The following DMPK variants were observed in gnomAD, a reference collection of about 807,000 sequenced individuals.
DMPK encodes myotonin-protein kinase.
A neutral mutation model predicts 70.3 loss-of-function variants in DMPK; 32 were observed. The ratio of observed to expected loss-of-function variants is 0.46; its 90% CI spans 0.34 to 0.61. DMPK has a LOEUF of 0.61. Among genes scored for constraint, DMPK ranks in the 20% least tolerant of loss-of-function variants. The pLI, the probability that DMPK is intolerant of heterozygous loss-of-function variation, is 0.01. For synonymous variants in DMPK, 469 were observed against 390.9 expected, an observed-to-expected ratio of 1.20 and a Z score of -2.36; for missense variants, 899 against 886.0, an observed-to-expected ratio of 1.01 and a Z score of -0.19.
chr19:45,771,529 T>C (rs1478433304), intron 12 of DMPK, 39 bp downstream of exon 12: 1 of 1,613,194 alleles, frequency 6.2e-7, no homozygotes, highest in Admixed American at 1.7e-5. Context: ...GCCCACCTCC[T>C]CCCGGTCCTC....
At chr19:45,770,925 AGCGCGGGGCG>A in intron 14 of DMPK, 36 bp downstream of exon 14, 1 of 1,337,038 alleles carries the variant, frequency 7.5e-7, no homozygotes, top group South Asian at 1.6e-5. Context: ...GGGCGGGTGG[AGCGCGGGGCG>A]CGACGGCGGA....
chr19:45,771,197 G>T, intron 13 of DMPK, 137 bp from the exon 14 acceptor site: 1 of 1,217,988 alleles, frequency 8.2e-7, no homozygotes, highest in Non-Finnish European at 1.1e-6. Context: ...GGCCTGAACG[G>T]AGGGAGATCT....
intron 13 of DMPK, 53 bp from the exon 14 acceptor site, chr19:45,771,113 G>T: frequency 7.1e-7 from 1 of 1,407,720 alleles, no homozygotes; most frequent in South Asian, 1.3e-5. Context: ...AGCCCTCAGC[G>T]GTGGGGCGAG....
rs1568582006 is a variant in DMPK at position 45,777,790 on chromosome 19, GC to G, written c.758del (p.Gly253AlafsTer126). On this transcript the variant is annotated frameshift_variant, in exon 7 of 15. Transcript: ENST00000291270. LOFTEE classifies it high-confidence loss of function. The surrounding 1 kb of genome is among the most constrained non-coding windows in gnomAD (Gnocchi z 6.7). Reference protein sequence around the residue: ...LQAVGGGPGTGSYGPECDWWA... With the variant: ...LQAVGGGPGTXSYGPECDWWA... Reference sequence around the variant, plus strand: ...ACCAGTCACACTCGGGCCCGTAGCTGCCTGTCCCAGGCCCACCGCCCACAGC... The same window carrying G: ...ACCAGTCACACTCGGGCCCGTAGCTGCTGTCCCAGGCCCACCGCCCACAGC... 1 of 1,612,822 alleles carries G rather than the reference GC, an allele frequency of 6.2e-7. No individual in the cohort carries two copies. Among genetic ancestry groups the G allele is most frequent in the East Asian group, 2.2e-5 (1 of 44,894 alleles).
In DMPK at chr19:45,770,246, GCAGCAGCAGCAGCAGCAGCAT is replaced by G; in HGVS notation, c.*221_*241del. The G allele has an allele frequency of 3.0e-6, 1 of 331,466 alleles. No individual in the cohort carries two copies. Among genetic ancestry groups the G allele is most frequent in the Non-Finnish European group, 4.4e-6 (1 of 229,294 alleles). 20.5% of individuals were successfully genotyped at this position (331,466 alleles called of 1,614,324 possible). The stretch of plus-strand genomic sequence containing the variant: ...AGCAGCAGCAGCAGCAGCAGCAGCA[GCAGCAGCAGCAGCAGCAGCAT>G]TCCCGGCTACAAGGACCCTTCGAGC... On this transcript the variant is annotated 3_prime_UTR_variant, in exon 15 of 15. Transcript: ENST00000291270.
intron 1 of DMPK, 39 bp from the exon 2 acceptor site, chr19:45,779,908 G>T: frequency 6.2e-7 from 1 of 1,613,826 alleles, no homozygotes; most frequent in South Asian, 1.1e-5. Context: ...AGGGTCACCA[G>T]AAAGGGCACT....
chr19:45,780,928 GCGC>G (rs1970079787), intron 1 of DMPK, among the ~76,000 whole-genome samples: 1 of 152,062 alleles, frequency 6.6e-6, no homozygotes, highest in African/African-American at 2.4e-5. Flanking sequence ...CCTCCCGGGA[GCGC>G]CAGACCCCTA....
At position 45,777,956 on chromosome 19, in the gene DMPK, A is replaced by G. The variant is rs1969874593; in HGVS notation, c.676-83T>C. ...GGGCCCTCCTTCCAACCACTCCCCA[A>G]ATGCTTAGCCCCTCCCTCTGCCTGG... is the stretch of plus-strand genomic sequence containing the variant. On this transcript the variant is annotated intron_variant, in intron 6 of 14. Transcript: ENST00000291270. This position sits in a 1 kb window ranked among gnomAD's most constrained non-coding sequence, Gnocchi z 6.7. 3 of 1,379,198 alleles carry G rather than the reference A, an allele frequency of 2.2e-6. No individual in the cohort carries two copies. The highest frequency in any genetic ancestry group is 1.9e-5 in the Admixed American group (1 of 52,500). The allele number at this position is 1,379,198 out of a possible 1,614,324, so 85.4% of individuals were successfully genotyped here.
rs1304862852 is a variant in DMPK, at chr19:45,779,959, T to C, written c.161-90A>G. The C allele has an allele frequency of 1.7e-5, 27 of 1,593,620 alleles. No homozygotes were observed. Among genetic ancestry groups the C allele is most frequent in the African/African-American group, 2.7e-5 (2 of 74,354 alleles). On this transcript the variant is annotated intron_variant, in intron 1 of 14. Coordinates refer to ENST00000291270, the MANE Select transcript of DMPK (RefSeq NM_004409.5). ...AGCCCCACCCTCTGTCTGTCTCCCCTTCTCTCTGCCTCTCAGCTTCACCCT... is the reference window on the plus strand; with the variant it reads ...AGCCCCACCCTCTGTCTGTCTCCCCCTCTCTCTGCCTCTCAGCTTCACCCT...
In DMPK at chr19:45,770,602, G is replaced by C; in HGVS notation, c.1776C>G (p.Leu592=). 6.4e-7 allele frequency: 1 copy of C among 1,553,080 alleles called. No homozygotes were observed. Among genetic ancestry groups the C allele is most frequent in the Non-Finnish European group, 8.7e-7 (1 of 1,148,394 alleles). ...RPGLSEALSL[L]LFAVVLSRAA... ...CACGAGACAGAACAACGGCGAACAG[G>C]AGCAGGGAAAGCGCCTCCGATAGGC... Residue 592 remains leucine (L), a synonymous_variant, in exon 15 of 15, where the codon CTC becomes CTG. Coordinates refer to ENST00000291270, the MANE Select transcript of DMPK (RefSeq NM_004409.5).
In DMPK at chr19:45,779,317, C is replaced by T. The variant is rs766012197; in HGVS notation, c.379G>A (p.Asp127Asn). 8.7e-6 allele frequency: 14 copies of T among 1,614,066 alleles called. No individual in the cohort carries two copies. Among genetic ancestry groups the T allele is most frequent in the Non-Finnish European group, 1.2e-5 (14 of 1,180,032 alleles). ...TGCAGCTGCGTGATCCACCGCCGGT[C>T]CCCATTCACCAACACGTCCCTCTCC... is the stretch of plus-strand genomic sequence containing the variant. ...REERDVLVNG[D>N]RRWITQLHFA... is the part of the protein sequence containing the mutation. The change falls in exon 4 of 15, where the codon GAC becomes AAC. Residue 127 changes from aspartate (D) to asparagine (N), a missense_variant. Physicochemically the swap from Asp to Asn is conservative, Grantham distance 23. Around this residue, in one of 3 missense-constraint regions of DMPK, gnomAD observed 195 missense variants for 259.7 expected, o/e 0.75. Coordinates refer to ENST00000291270, the MANE Select transcript of DMPK (RefSeq NM_004409.5).
At chr19:45,779,943 C>T (rs1292953483) in intron 1 of DMPK, 74 bp from the exon 2 acceptor site, 1 of 1,604,704 alleles carries the variant, frequency 6.2e-7, no homozygotes, top group Non-Finnish European at 8.5e-7. Context: ...AAGCCCCACC[C>T]TCTGTCTGTC....
rs1248428318 is a variant in DMPK at position 45,779,883 on chromosome 19, G to A, written c.161-14C>T. ...CGATGGGCTCCGCTGGGGGGGTGGT[G>A]GGGGAAAAGAACCGAGGGTCACCAG... On this transcript the variant is annotated splice_polypyrimidine_tract_variant and intron_variant, in intron 1 of 14. Transcript: ENST00000291270. The A allele has an allele frequency of 1.2e-6, 2 of 1,613,456 alleles. No individual in the cohort carries two copies. The highest frequency in any genetic ancestry group is 1.7e-5 in the Admixed American group (1 of 59,972).
At chr19:45,772,521 T>C in intron 10 of DMPK, 120 bp downstream of exon 10, 1 of 598,436 alleles carries the variant, frequency 1.7e-6, no homozygotes, top group South Asian at 2.1e-5. Flanking sequence ...CTCTCCGTGG[T>C]TTCTGTCTGC....
chr19:45,771,589 G>A lies in DMPK; in HGVS notation c.1579C>T (p.Leu527=). 3 of 1,614,048 alleles carry A rather than the reference G, an allele frequency of 1.9e-6. No homozygotes were observed. The highest frequency in any genetic ancestry group is 2.5e-6 in the Non-Finnish European group (3 of 1,179,970). Residue 527 remains leucine (L), a synonymous_variant, in exon 12 of 15, where the codon CTG becomes TTG. Transcript: ENST00000291270. ...VRQLQERMEL[L]QAEGATAVTG... is the part of the protein sequence containing the mutation. ...TCACCTGTGGCTCCCTCTGCCTGCA[G>A]CAACTCCATCCGCTCCTGCAACTGC...
chr19:45,775,144 T>C, intron 8 of DMPK, 110 bp from the exon 9 acceptor site: 1 of 771,580 alleles, frequency 1.3e-6, no homozygotes. Context: ...AGGGCTTATC[T>C]AAAGTGGCCC....
intron 1 of DMPK, chr19:45,780,577 G>T: frequency 1.9e-6 from 2 of 1,027,136 alleles, no homozygotes; most frequent in Non-Finnish European, 2.3e-6. Flanking sequence ...CCTGGGTGGG[G>T]GACCAGCTGG....
Position 45,779,527 on chromosome 19 carries a change from G to C in DMPK, c.253-5C>G. The C allele has an allele frequency of 6.2e-7, 1 of 1,613,796 alleles. No individual in the cohort carries two copies. Among genetic ancestry groups the C allele is most frequent in the Non-Finnish European group, 8.5e-7 (1 of 1,179,982 alleles). On this transcript the variant is annotated splice_polypyrimidine_tract_variant and splice_region_variant and intron_variant, in intron 2 of 14. Coordinates refer to ENST00000291270, the MANE Select transcript of DMPK (RefSeq NM_004409.5). ...CTTCATCTTCACTACCGCTACCTGA[G>C]GTCGAGATAGTGAGACAGAGTGGAG...
chr19:45,777,418 G>A lies in DMPK; in HGVS notation c.1055C>T (p.Pro352Leu). The A allele has an allele frequency of 6.2e-7, 1 of 1,613,402 alleles. No individual in the cohort carries two copies. Among genetic ancestry groups the A allele is most frequent in the Non-Finnish European group, 8.5e-7 (1 of 1,179,972 alleles). ...ACCTTCGAAATCCGGTGTAAAGGGG[G>A]GCACGCTGTCCCGGAGACCATCCCA... ...LDWDGLRDSV[P>L]PFTPDFEGAT... is the part of the protein sequence containing the mutation. The change falls in exon 8 of 15, where the codon CCC (proline) becomes CTC (leucine). Residue 352 changes from proline (P) to leucine (L), a missense_variant. Coordinates refer to ENST00000291270, the MANE Select transcript of DMPK (RefSeq NM_004409.5). The surrounding 1 kb of genome is among the most constrained non-coding windows in gnomAD (Gnocchi z 6.7).
Sources: gnomAD v4.1 joint callset for allele counts (sites outside exome capture counted in the v4.1 genomes callset) on GRCh38, gnomAD v4.1.1 for gene constraint, gnomAD v4.1.1 regional missense constraint, Gnocchi (gnomAD v3.1) non-coding constraint, MANE v1.5 for transcripts, NCBI Gene and HGNC (gene_info 2026-07-23, HGNC 2026-07-21) for gene names.